Variants in SDAD1 observed in about 807,000 individuals in gnomAD.
SDAD1 encodes protein SDA1 homolog.
SDAD1 carries 79 observed loss-of-function variants against 100.3 expected under a neutral mutation model. The observed-to-expected ratio is 0.79, with a 90% confidence interval of 0.66 to 0.95. The LOEUF (loss-of-function observed/expected upper bound fraction) is 0.95. Ranked by LOEUF, SDAD1 falls within the 40% of genes least tolerant of loss-of-function variation. The pLI, the probability that SDAD1 is intolerant of heterozygous loss-of-function variation, is 0.00. For missense variants in SDAD1, 790 were observed against 810.9 expected (o/e 0.97, Z 0.31); for synonymous variants, 267 against 271.4 (o/e 0.98, Z 0.16).
chr4:75,973,840 A>G (rs1730003426), intron 7 of SDAD1, among the ~76,000 whole-genome samples: 1 of 152,020 alleles, frequency 6.6e-6, no homozygotes, highest in Non-Finnish European at 1.5e-5. Flanking sequence ...TAAAGTTCAG[A>G]TGACCCAGGA....
chr4:75,957,040 G>A (rs1355293528), intron 20 of SDAD1, among the ~76,000 whole-genome samples: 2 of 152,176 alleles, frequency 1.3e-5, no homozygotes, highest in Non-Finnish European at 2.9e-5. Flanking sequence ...AACCTAGGAG[G>A]CAGAGGTTGC....
At chr4:75,957,474 C>A (rs1728964225) in intron 19 of SDAD1, 44 bp downstream of exon 19, 2 of 1,611,744 alleles carry the variant, frequency 1.2e-6, no homozygotes, top group African/African-American at 1.3e-5. Context: ...GCTTTCATTA[C>A]CACATGAGCT....
chr4:75,971,382 A>G lies in SDAD1; in HGVS notation c.788T>C (p.Leu263Ser), dbSNP rs1729857170. 1 of 1,613,800 alleles carries G rather than the reference A, an allele frequency of 6.2e-7. No homozygotes were observed. Among genetic ancestry groups the G allele is most frequent in the Admixed American group, 1.7e-5 (1 of 59,988 alleles). The stretch of plus-strand genomic sequence containing the variant: ...CTTGAGCACTTTCATTGCCTTTTCC[A>G]ACTTTTTCTTGTTTTTGGAACTTTT... ...GKKSSKNKKK[L>S]EKAMKVLKKQ... The change falls in exon 9 of 22, where the codon TTG (leucine) becomes TCG (serine). Residue 263 changes from leucine (L) to serine (S), a missense_variant. Coordinates refer to ENST00000356260, the MANE Select transcript of SDAD1 (RefSeq NM_018115.4).
chr4:75,957,001 T>G (rs899033370), intron 20 of SDAD1, among the ~76,000 whole-genome samples: 1 of 152,090 alleles, frequency 6.6e-6, no homozygotes, highest in African/African-American at 2.4e-5. Context: ...CCCCAGCTAC[T>G]TAGGAGGCTG....
At position 75,967,915 on chromosome 4, in the gene SDAD1, G is replaced by T. The variant is rs564320040; in HGVS notation, c.988-581C>A. ...GTCCACCTAAACAAAGGTGACCAGG[G>T]TTATTAAGGAAATGGTAATGTTTAA... On this transcript the variant is annotated intron_variant, in intron 11 of 21. Coordinates refer to ENST00000356260, the MANE Select transcript of SDAD1 (RefSeq NM_018115.4). Among the ~76,000 whole-genome samples the T allele has an allele frequency of 5.3e-5, 8 of 152,236 alleles. No individual in the cohort carries two copies. In the East Asian group the frequency reaches 1.5e-3, roughly 29 times the overall value.
Position 75,975,928 on chromosome 4 carries a change from T to C in SDAD1, c.473A>G (p.Asn158Ser), listed in dbSNP as rs1178652889. Residue 158 changes from asparagine (N) to serine (S), a missense_variant, in exon 5 of 22, where the codon AAT becomes AGT. By Grantham distance (46) the Asn-to-Ser change is conservative. Coordinates refer to ENST00000356260, the MANE Select transcript of SDAD1 (RefSeq NM_018115.4). ...GGAAGACAGAAGAGTACTTACTACA[T>C]TCACTTTATTGTTCTTGTGTTTTGC... is the stretch of plus-strand genomic sequence containing the variant. Reference protein sequence around the residue: ...INAKHKNNKVNVVLQNFMYTM... With the variant: ...INAKHKNNKVSVVLQNFMYTM... 6.3e-7 allele frequency: 1 copy of C among 1,599,482 alleles called. No individual in the cohort carries two copies.
chr4:75,965,854 T>C lies in SDAD1; in HGVS notation c.1046-32A>G, dbSNP rs768092809. The C allele has an allele frequency of 6.3e-6, 10 of 1,591,298 alleles. No individual in the cohort carries two copies. In the East Asian group the frequency reaches 2.2e-4, roughly 36 times the overall value. ...ACATAAGAGAACAGAAAGGTCATGG[T>C]CAGTGTATCACCCTGCCTCTGAGGA... On this transcript the variant is annotated intron_variant, in intron 12 of 21. Transcript: ENST00000356260.
In SDAD1 at chr4:75,983,142, A is replaced by G. The variant is rs188959889; in HGVS notation, c.91-1105T>C. On this transcript the variant is annotated intron_variant, in intron 1 of 21. Coordinates refer to ENST00000356260, the MANE Select transcript of SDAD1 (RefSeq NM_018115.4). ...TGAACTCATCCTTTTTTATGGCTGC[A>G]TAGTATTCCATGGTATATATGTGCC... Among the ~76,000 whole-genome samples, 352 of 152,270 alleles carry G rather than the reference A, an allele frequency of 2.3e-3. 1 individual carries two copies. Among genetic ancestry groups the G allele is most frequent in the African/African-American group, 8.0e-3 (331 of 41,546 alleles).
chr4:75,952,086 T>A (rs928734274), intron 21 of SDAD1, among the ~76,000 whole-genome samples: 1 of 152,344 alleles, frequency 6.6e-6, no homozygotes, highest in African/African-American at 2.4e-5. Flanking sequence ...AGAGCTGGGA[T>A]ACTTAAGGCA....
chr4:75,967,377 T>A, intron 11 of SDAD1, 43 bp from the exon 12 acceptor site: 1 of 1,544,454 alleles, frequency 6.5e-7, no homozygotes, highest in Non-Finnish European at 8.9e-7. Flanking sequence ...CAGCTGACAC[T>A]ATGGAGTTCC....
At chr4:75,956,681 G>A (rs1728915010) in intron 20 of SDAD1, among the ~76,000 whole-genome samples, 1 of 152,202 alleles carries the variant, frequency 6.6e-6, no homozygotes, top group Admixed American at 6.5e-5. Context: ...ACTGGTGACT[G>A]TAAACACATT....
intron 17 of SDAD1, 52 bp from the exon 18 acceptor site, chr4:75,957,993 A>T: frequency 6.9e-7 from 1 of 1,449,512 alleles, no homozygotes; most frequent in Non-Finnish European, 9.7e-7. Context: ...CACATTCAAC[A>T]TAAAGTTGAG....
chr4:75,983,206 G>C (rs1253118927), intron 1 of SDAD1, among the ~76,000 whole-genome samples: 3 of 152,094 alleles, frequency 2.0e-5, no homozygotes, highest in Non-Finnish European at 4.4e-5. Flanking sequence ...TGGGCATTTG[G>C]GTTGGTTCAA....
intron 1 of SDAD1, among the ~76,000 whole-genome samples, chr4:75,985,808 C>A (rs1219234146): frequency 6.6e-6 from 1 of 152,080 alleles, no homozygotes; most frequent in African/African-American, 2.4e-5. Flanking sequence ...ATATTCCTCT[C>A]CAACCACATC....
chr4:75,960,523 T>C (rs984461107), intron 16 of SDAD1, among the ~76,000 whole-genome samples: 14 of 152,314 alleles, frequency 9.2e-5, no homozygotes, highest in African/African-American at 3.4e-4. Context: ...ATGTCTCAGG[T>C]CAAAATAAAT....
At chr4:75,954,868 G>A (rs1728805038) in intron 21 of SDAD1, among the ~76,000 whole-genome samples, 2 of 152,142 alleles carry the variant, frequency 1.3e-5, no homozygotes, top group Non-Finnish European at 2.9e-5. Context: ...ATAAATGGAT[G>A]CATGAGGGGC....
rs774243570 is a variant in SDAD1, at chr4:75,973,435, A to C, written c.637-44T>G. On this transcript the variant is annotated intron_variant, in intron 7 of 21. Coordinates refer to ENST00000356260, the MANE Select transcript of SDAD1 (RefSeq NM_018115.4). ...AAAGTCAGCTACTTGATTCAGCTTA[A>C]AATAAAGAATAAATCCTTTTGAGTA... 9 of 1,390,778 alleles carry C rather than the reference A, an allele frequency of 6.5e-6. No homozygotes were observed. In the East Asian group the frequency reaches 2.1e-4, roughly 32 times the overall value. 86.2% of individuals were successfully genotyped at this position (1,390,778 alleles called of 1,614,324 possible).
At chr4:75,979,455 A>G (rs962112193) in intron 3 of SDAD1, among the ~76,000 whole-genome samples, 2 of 152,020 alleles carry the variant, frequency 1.3e-5, no homozygotes, top group African/African-American at 4.8e-5. Flanking sequence ...TCTCCTAGTA[A>G]AGGAAATCTC....
At chr4:75,964,069 G>C in intron 14 of SDAD1, 66 bp downstream of exon 14, 2 of 1,038,200 alleles carry the variant, frequency 1.9e-6, no homozygotes, top group Non-Finnish European at 3.0e-6. Flanking sequence ...CTTACATCTT[G>C]GTAACTTATA....
Sources: gnomAD v4.1 joint callset for allele counts (sites outside exome capture counted in the v4.1 genomes callset) on GRCh38, gnomAD v4.1.1 for gene constraint, MANE v1.5 for transcripts, NCBI Gene and HGNC (gene_info 2026-07-23, HGNC 2026-07-21) for gene names.